Variants in CCDC146 observed in about 807,000 individuals in gnomAD.
CCDC146 encodes the protein coiled-coil domain-containing protein 146.
Under a neutral mutation model 119.3 loss-of-function variants are expected in CCDC146, and 92 were observed. That is an observed-to-expected ratio of 0.77 (90% CI 0.65 to 0.92). The LOEUF (loss-of-function observed/expected upper bound fraction) is 0.92, where lower values mean the gene tolerates loss of function less well. CCDC146 is among the 40% of genes least tolerant of loss of function. The pLI is 0.00. For synonymous variants in CCDC146, 372 were observed against 371.8 expected, an observed-to-expected ratio of 1.00 and a Z score of -0.01; for missense variants, 1,000 against 1,103.0, an observed-to-expected ratio of 0.91 and a Z score of 1.32.
At chr7:77,226,671 T>A (rs1792520825) in intron 2 of CCDC146, among the ~76,000 whole-genome samples, 2 of 152,248 alleles carry the variant, frequency 1.3e-5, no homozygotes, top group African/African-American at 4.8e-5. Context: ...ACTTATGACA[T>A]TATATCTAAC....
chr7:77,241,796 A>G lies in CCDC146; in HGVS notation c.345A>G (p.Ala115=), dbSNP rs17230060. 0.14 allele frequency: 228,529 copies of G among 1,613,986 alleles called. 17,608 individuals are homozygous for G. The highest frequency in any genetic ancestry group is 0.18 in the Middle Eastern group (1,095 of 6,062). ...AGCAAGCTGATAATTTTCCAGAAGC[A>G]TTCTCCACGGAGGTCTCCAAAATGA... ...HLQQADNFPE[A]FSTEVSKMRE... is the part of the protein sequence containing the mutation. Residue 115 remains alanine, a synonymous_variant, in exon 4 of 19, where the codon GCA becomes GCG. Coordinates refer to ENST00000285871, the MANE Select transcript of CCDC146 (RefSeq NM_020879.3).
At chr7:77,256,660 C>A in intron 6 of CCDC146, 151 bp downstream of exon 6, 1 of 646,534 alleles carries the variant, frequency 1.5e-6, no homozygotes, top group East Asian at 2.9e-5. Context: ...CAAACTAAAT[C>A]TAGGCTCTGG....
chr7:77,187,862 A>G (rs1791696691), intron 2 of CCDC146, among the ~76,000 whole-genome samples: 1 of 152,068 alleles, frequency 6.6e-6, no homozygotes, highest in Non-Finnish European at 1.5e-5. Flanking sequence ...TTTTTCATTA[A>G]TCCTCTACAA....
At chr7:77,260,260 T>C (rs767063024) in intron 8 of CCDC146, 24 bp downstream of exon 8, 16 of 1,517,092 alleles carry the variant, frequency 1.1e-5, no homozygotes, top group Non-Finnish European at 1.4e-5. Context: ...ATGTATGTTA[T>C]GTTCTGTCAT....
chr7:77,192,144 C>G (rs1791779007), intron 2 of CCDC146, among the ~76,000 whole-genome samples: 1 of 151,978 alleles, frequency 6.6e-6, no homozygotes, highest in South Asian at 2.1e-4. Context: ...CCAGGCTGGT[C>G]TCACGTGATC....
intron 2 of CCDC146, among the ~76,000 whole-genome samples, chr7:77,197,188 A>G (rs1398846611): frequency 6.6e-6 from 1 of 152,244 alleles, no homozygotes; most frequent in African/African-American, 2.4e-5. Context: ...GACCTCTAAT[A>G]TACTCTTGGT....
chr7:77,189,513 A>G (rs903726312), intron 2 of CCDC146, among the ~76,000 whole-genome samples: 12 of 151,946 alleles, frequency 7.9e-5, no homozygotes, highest in Non-Finnish European at 1.2e-4. Context: ...CCCCTTTAAA[A>G]CTGGTTGAGA....
chr7:77,276,541 G>C (rs1008676414), intron 11 of CCDC146, among the ~76,000 whole-genome samples: 11 of 152,200 alleles, frequency 7.2e-5, no homozygotes, highest in African/African-American at 2.4e-4. Flanking sequence ...ATGTCAAATA[G>C]TGAGACCAGA....
At chr7:77,238,957 C>T (rs1428392804) in intron 3 of CCDC146, among the ~76,000 whole-genome samples, 1 of 152,154 alleles carries the variant, frequency 6.6e-6, no homozygotes, top group East Asian at 1.9e-4. Context: ...AAATACTCAC[C>T]ATTCTCTCCT....
chr7:77,150,492 A>G (rs1287566879), intron 1 of CCDC146, among the ~76,000 whole-genome samples: 1 of 152,240 alleles, frequency 6.6e-6, no homozygotes, highest in Non-Finnish European at 1.5e-5. Context: ...GGAAATGCAA[A>G]TTAAAACCTT....
intron 16 of CCDC146, chr7:77,287,136 C>A: frequency 1.5e-6 from 1 of 651,574 alleles, no homozygotes; most frequent in Non-Finnish European, 2.6e-6. Flanking sequence ...TTCGAGATTC[C>A]AAAGGCACAT....
intron 11 of CCDC146, 45 bp downstream of exon 11, chr7:77,274,697 A>G (rs1431467985): frequency 1.3e-6 from 2 of 1,492,930 alleles, no homozygotes; most frequent in African/African-American, 2.8e-5. Context: ...ACAAGAGTTC[A>G]GGGTAGCCTC....
chr7:77,242,267 A>G, intron 4 of CCDC146: 2 of 476,534 alleles, frequency 4.2e-6, no homozygotes, highest in Non-Finnish European at 5.8e-6. Flanking sequence ...ACGCATCTGC[A>G]TGGTGAGCAC....
chr7:77,208,490 C>T (rs1352840948), intron 2 of CCDC146, among the ~76,000 whole-genome samples: 1 of 152,136 alleles, frequency 6.6e-6, no homozygotes, highest in Non-Finnish European at 1.5e-5. Context: ...TAAAAAAAGG[C>T]ACAGTAAAAA....
intron 1 of CCDC146, among the ~76,000 whole-genome samples, chr7:77,141,366 C>G (rs1202348190): frequency 1.3e-5 from 2 of 152,186 alleles, no homozygotes; most frequent in African/African-American, 4.8e-5. Context: ...ATTAACAGTG[C>G]TGCAATAAAT....
chr7:77,208,614 G>A (rs1238706134), intron 2 of CCDC146, among the ~76,000 whole-genome samples: 2 of 152,170 alleles, frequency 1.3e-5, no homozygotes, highest in East Asian at 1.9e-4. Flanking sequence ...ATGCTGCCTG[G>A]GCAGAGAAGA....
intron 13 of CCDC146, 107 bp downstream of exon 13, chr7:77,279,208 G>A (rs1277445875): frequency 1.7e-5 from 19 of 1,100,784 alleles, no homozygotes; most frequent in Non-Finnish European, 2.5e-5. Context: ...AGGCTGCAAT[G>A]AGCCAAGATG....
At chr7:77,212,252 A>G (rs932602174) in intron 2 of CCDC146, among the ~76,000 whole-genome samples, 4 of 152,218 alleles carry the variant, frequency 2.6e-5, no homozygotes, top group Non-Finnish European at 4.4e-5. Flanking sequence ...AGTTCAATAC[A>G]TATTGAAGAA....
At chr7:77,232,157 C>T (rs763561339) in intron 2 of CCDC146, among the ~76,000 whole-genome samples, 19 of 152,140 alleles carry the variant, frequency 1.2e-4, no homozygotes, top group Non-Finnish European at 2.1e-4. Context: ...GTGTTGCCCT[C>T]GGTCAGTCAC....
Sources: allele counts gnomAD v4.1 joint callset (sites outside exome capture counted in the v4.1 genomes callset), GRCh38; gene constraint gnomAD v4.1.1; transcripts MANE v1.5; gene names NCBI Gene and HGNC (gene_info 2026-07-23, HGNC 2026-07-21).